Variants in NECAB1 observed in about 807,000 individuals in gnomAD.
NECAB1 encodes N-terminal EF-hand calcium binding protein 1.
A neutral mutation model predicts 57.5 loss-of-function variants in NECAB1; 29 were observed. The observed-to-expected ratio is 0.50, with a 90% CI of 0.38 to 0.69. NECAB1 has a LOEUF of 0.69. NECAB1 is among the 30% of genes least tolerant of loss of function. The pLI is 0.00. For synonymous variants in NECAB1, 142 were observed against 147.7 expected (o/e 0.96, Z 0.28); for missense variants, 372 against 413.8 (o/e 0.90, Z 0.88).
rs926213421 is a variant in NECAB1 at position 90,843,507 on chromosome 8, G to A, written c.233+18682G>A. ...TAGAAGATCTTTAATATTGCTTAGC[G>A]TGTAGCAGAGAATGAATTTGTTGAC... On this transcript the variant is annotated intron_variant, in intron 3 of 12. Transcript: ENST00000417640. Among the ~76,000 whole-genome samples, 42 of 152,270 alleles carry A rather than the reference G, an allele frequency of 2.8e-4. No individual in the cohort carries two copies. In the Middle Eastern group the frequency reaches 0.01, roughly 37 times the overall value.
chr8:90,807,555 C>T (rs1811870904), intron 2 of NECAB1, among the ~76,000 whole-genome samples: 1 of 152,144 alleles, frequency 6.6e-6, no homozygotes, highest in African/African-American at 2.4e-5. Flanking sequence ...CAAGCATCAC[C>T]ACCCCGCACT....
chr8:90,854,167 A>G (rs560912420), intron 3 of NECAB1, among the ~76,000 whole-genome samples: 1 of 152,312 alleles, frequency 6.6e-6, no homozygotes, highest in South Asian at 2.1e-4. Context: ...TATTCAAAAA[A>G]TCTTGAACAT....
intron 5 of NECAB1, among the ~76,000 whole-genome samples, chr8:90,907,562 T>C (rs1029264118): frequency 6.6e-6 from 1 of 152,250 alleles, no homozygotes; most frequent in Admixed American, 6.5e-5. Context: ...TCACTATTTC[T>C]AGGATACATA....
intron 10 of NECAB1, among the ~76,000 whole-genome samples, chr8:90,942,016 T>C (rs908314054): frequency 1.3e-5 from 2 of 152,226 alleles, no homozygotes; most frequent in African/African-American, 2.4e-5. Context: ...CATAAACAGA[T>C]ACTTCATGTC....
intron 9 of NECAB1, among the ~76,000 whole-genome samples, chr8:90,935,386 AT>A (rs1196236739): frequency 6.6e-6 from 1 of 152,132 alleles, no homozygotes; most frequent in African/African-American, 2.4e-5. Flanking sequence ...GATAAGCTAG[AT>A]TTGTCACTGC....
At chr8:90,860,592 A>G (rs1003740510) in intron 3 of NECAB1, among the ~76,000 whole-genome samples, 1 of 152,302 alleles carries the variant, frequency 6.6e-6, no homozygotes, top group East Asian at 1.9e-4. Context: ...CTGCGTAAGT[A>G]TATATTCAGT....
chr8:90,943,850 C>T (rs1341264957), intron 10 of NECAB1, among the ~76,000 whole-genome samples: 1 of 152,208 alleles, frequency 6.6e-6, no homozygotes, highest in Non-Finnish European at 1.5e-5. Context: ...TTCTTGGGCT[C>T]AAGCAACCCT....
chr8:90,830,441 CAAAGT>C (rs1397799889), intron 3 of NECAB1, among the ~76,000 whole-genome samples: 1 of 152,002 alleles, frequency 6.6e-6, no homozygotes, highest in Non-Finnish European at 1.5e-5. Flanking sequence ...ATCAAGAGAA[CAAAGT>C]AAAGATCAAA....
intron 2 of NECAB1, among the ~76,000 whole-genome samples, chr8:90,805,957 G>A (rs953327205): frequency 1.3e-5 from 2 of 152,046 alleles, no homozygotes; most frequent in African/African-American, 4.8e-5. Flanking sequence ...CCCAGCCCAT[G>A]GCACCCACTA....
intron 1 of NECAB1, 145 bp downstream of exon 1, chr8:90,792,130 C>A: frequency 1.5e-6 from 1 of 661,802 alleles, no homozygotes; most frequent in Non-Finnish European, 2.6e-6. Context: ...GCAGGAGGAA[C>A]GACTGTCCCT....
chr8:90,829,946 T>C lies in NECAB1; in HGVS notation c.233+5121T>C, dbSNP rs916581033. On this transcript the variant is annotated intron_variant, in intron 3 of 12. Transcript: ENST00000417640. ...TCCCATAATAATTGGAAAGTAATGA[T>C]TTCAAAGGTTTTGTTTCAGATGGCA... is the stretch of plus-strand genomic sequence containing the variant. 3.3e-5 allele frequency among the ~76,000 whole-genome samples: 5 copies of C among 152,174 alleles called. No homozygotes were observed. In the East Asian group the frequency reaches 5.8e-4, roughly 18 times the overall value.
chr8:90,860,751 A>G (rs1812886652), intron 3 of NECAB1, among the ~76,000 whole-genome samples: 1 of 152,190 alleles, frequency 6.6e-6, no homozygotes, highest in Non-Finnish European at 1.5e-5. Context: ...GGTCAGAGAG[A>G]TAATTGCAAA....
chr8:90,833,711 G>C (rs1377569725), intron 3 of NECAB1, among the ~76,000 whole-genome samples: 1 of 152,124 alleles, frequency 6.6e-6, no homozygotes, highest in Non-Finnish European at 1.5e-5. Context: ...AATCAATGCA[G>C]TAAAATTGTA....
At chr8:90,795,220 G>A (rs7822476) in intron 1 of NECAB1, among the ~76,000 whole-genome samples, 51,243 of 152,088 alleles carry the variant, frequency 0.34, 9,748 homozygotes, top group East Asian at 0.82. Context: ...AATCAACTCC[G>A]CTACTGTGAA....
At position 90,896,466 on chromosome 8, in the gene NECAB1, G is replaced by C. The variant is rs113220443; in HGVS notation, c.357+15336G>C. Among the ~76,000 whole-genome samples the C allele has an allele frequency of 1.0e-2, 1,521 of 152,110 alleles. 24 individuals are homozygous for C. The highest frequency in any genetic ancestry group is 0.034 in the African/African-American group (1,428 of 41,514). ...AAAAATACAAAAAAATTAGCCGGGC[G>C]TGGTGGCGGGTGCCTGTAGTCCCAG... is the stretch of plus-strand genomic sequence containing the variant. On this transcript the variant is annotated intron_variant, in intron 5 of 12. Coordinates refer to ENST00000417640, the MANE Select transcript of NECAB1 (RefSeq NM_022351.5).
chr8:90,875,546 C>T (rs1349374672), intron 4 of NECAB1, among the ~76,000 whole-genome samples: 7 of 141,100 alleles, frequency 5.0e-5, no homozygotes, highest in Admixed American at 3.5e-4. Context: ...TACAGATGAG[C>T]GAAGAATAAT....
Position 90,917,484 on chromosome 8 carries a change from A to G in NECAB1, c.358-8A>G. Reference sequence around the variant, plus strand: ...TACTTCTAATTGCATTTGTTTTGTCACCCTTAGGACTACCAAGAAGCCTCC... The same window carrying G: ...TACTTCTAATTGCATTTGTTTTGTCGCCCTTAGGACTACCAAGAAGCCTCC... On this transcript the variant is annotated splice_polypyrimidine_tract_variant and splice_region_variant and intron_variant, in intron 5 of 12. Transcript: ENST00000417640. 1 of 1,566,176 alleles carries G rather than the reference A, an allele frequency of 6.4e-7. No homozygotes were observed. The highest frequency in any genetic ancestry group is 8.6e-7 in the Non-Finnish European group (1 of 1,160,318).
chr8:90,818,158 T>C (rs556750733), intron 2 of NECAB1, among the ~76,000 whole-genome samples: 1 of 152,064 alleles, frequency 6.6e-6, no homozygotes, highest in Admixed American at 6.6e-5. Flanking sequence ...ATTTTTGATA[T>C]TGATAATGTG....
chr8:90,837,821 C>T (rs944344793), intron 3 of NECAB1, among the ~76,000 whole-genome samples: 3 of 152,190 alleles, frequency 2.0e-5, no homozygotes, highest in Non-Finnish European at 4.4e-5. Context: ...CTGTACCAGA[C>T]TTGTTTAAAT....
Sources: allele counts gnomAD v4.1 joint callset (sites outside exome capture counted in the v4.1 genomes callset), GRCh38; gene constraint gnomAD v4.1.1; transcripts MANE v1.5; gene names NCBI Gene and HGNC (gene_info 2026-07-23, HGNC 2026-07-21).